The following MACROD2 variants were observed in gnomAD, a reference collection of about 807,000 sequenced individuals.
MACROD2 encodes mono-ADP ribosylhydrolase 2, also known as ADP-ribose glycohydrolase MACROD2.
In MACROD2, 36 loss-of-function variants were observed where a neutral mutation model predicts 70.4. That is an observed-to-expected ratio of 0.51 (90% confidence interval 0.39 to 0.68). The LOEUF (loss-of-function observed/expected upper bound fraction) is 0.68. MACROD2 is among the 30% of genes least tolerant of loss of function. MACROD2 has a pLI of 0.00. For missense variants in MACROD2, 496 were observed against 538.4 expected (o/e 0.92, Z 0.78); for synonymous variants, 172 against 178.8 (o/e 0.96, Z 0.30).
At chr20:14,807,406 A>G (rs1264240492) in intron 5 of MACROD2, among the ~76,000 whole-genome samples, 2 of 152,088 alleles carry the variant, frequency 1.3e-5, no homozygotes, top group Non-Finnish European at 2.9e-5. Flanking sequence ...CATCAACAAA[A>G]AGGATGACCA....
chr20:15,579,050 G>A (rs913109416), intron 8 of MACROD2, among the ~76,000 whole-genome samples: 16 of 152,200 alleles, frequency 1.1e-4, no homozygotes, highest in South Asian at 2.1e-4. Context: ...TGAATTGGTC[G>A]TTCTAAACTC....
At chr20:15,144,970 T>G (rs1325179361) in intron 5 of MACROD2, among the ~76,000 whole-genome samples, 1 of 152,190 alleles carries the variant, frequency 6.6e-6, no homozygotes, top group Non-Finnish European at 1.5e-5. Flanking sequence ...AATCAGCATT[T>G]GGCACTTGTG....
chr20:15,367,688 AT>A (rs564596429), intron 6 of MACROD2, among the ~76,000 whole-genome samples: 54 of 152,010 alleles, frequency 3.6e-4, no homozygotes, highest in African/African-American at 1.3e-3. Flanking sequence ...AAAAGCAAAG[AT>A]TTTTTTGTTT....
At chr20:14,252,327 C>G (rs1461138545) in intron 3 of MACROD2, among the ~76,000 whole-genome samples, 3 of 151,948 alleles carry the variant, frequency 2.0e-5, no homozygotes, top group Non-Finnish European at 2.9e-5. Context: ...ATTATCCTGA[C>G]TATATGGGAT....
At chr20:15,161,539 G>A (rs1186986708) in intron 5 of MACROD2, among the ~76,000 whole-genome samples, 1 of 151,794 alleles carries the variant, frequency 6.6e-6, no homozygotes, top group Non-Finnish European at 1.5e-5. Context: ...TTCTAAGTGG[G>A]CTACTAGTAA....
rs78694341 is a variant in MACROD2, at chr20:15,671,749, C to T, written c.645+171902C>T. On this transcript the variant is annotated intron_variant, in intron 8 of 17. Coordinates refer to ENST00000684519, the MANE Select transcript of MACROD2 (RefSeq NM_001351661.2). Reference sequence around the variant, plus strand: ...GTGGATCAGGTTCTCTGCTTCACAGCGGAATGCTTATGCTTAGAATTTTTG... The same window carrying T: ...GTGGATCAGGTTCTCTGCTTCACAGTGGAATGCTTATGCTTAGAATTTTTG... Among the ~76,000 whole-genome samples, 202 of 152,268 alleles carry T rather than the reference C, an allele frequency of 1.3e-3. 2 individuals are homozygous for T. Among genetic ancestry groups the T allele is most frequent in the African/African-American group, 4.4e-3 (183 of 41,542 alleles).
In MACROD2 at chr20:14,603,689, A is replaced by G. The variant is rs550264810; in HGVS notation, c.302-81154A>G. 1.6e-4 allele frequency among the ~76,000 whole-genome samples: 24 copies of G among 152,256 alleles called. No homozygotes were observed. The East Asian group carries it at 1.9e-3, about 12-fold the overall frequency. On this transcript the variant is annotated intron_variant, in intron 4 of 17. Transcript: ENST00000684519. ...CCTATTATAGACATGACATTTTTCA[A>G]TGTTTTCACAGGCATTATTTCTTTT...
intron 6 of MACROD2, among the ~76,000 whole-genome samples, chr20:15,299,893 C>A (rs910241781): frequency 3.3e-5 from 5 of 152,170 alleles, no homozygotes; most frequent in Non-Finnish European, 7.3e-5. Flanking sequence ...TTAGAATGTG[C>A]AAGTGTCAAA....
At chr20:15,452,133 C>T (rs1434599428) in intron 7 of MACROD2, among the ~76,000 whole-genome samples, 1 of 152,132 alleles carries the variant, frequency 6.6e-6, no homozygotes, top group African/African-American at 2.4e-5. Flanking sequence ...GTTTAGAGTT[C>T]ACTTATCGGG....
intron 5 of MACROD2, among the ~76,000 whole-genome samples, chr20:14,984,397 G>T (rs1014467557): frequency 3.9e-5 from 6 of 152,126 alleles, no homozygotes; most frequent in Non-Finnish European, 8.8e-5. Flanking sequence ...CTAAAATGCA[G>T]ATTTCACCAA....
chr20:14,023,352 C>G (rs774488426), intron 2 of MACROD2, among the ~76,000 whole-genome samples: 1 of 152,186 alleles, frequency 6.6e-6, no homozygotes, highest in Non-Finnish European at 1.5e-5. Flanking sequence ...TGTAGGTTGT[C>G]TGTTCACTCT....
intron 6 of MACROD2, among the ~76,000 whole-genome samples, chr20:15,238,418 T>C (rs983189414): frequency 2.0e-5 from 3 of 152,092 alleles, no homozygotes; most frequent in Non-Finnish European, 2.9e-5. Context: ...TGATTCATCA[T>C]GCAAATTACG....
intron 6 of MACROD2, among the ~76,000 whole-genome samples, chr20:15,388,434 TTACAG>T (rs1275375589): frequency 6.6e-6 from 1 of 152,160 alleles, no homozygotes; most frequent in Non-Finnish European, 1.5e-5. Flanking sequence ...AAGTGCTTCT[TTACAG>T]TAGTGGATAT....
At chr20:14,253,330 ACTT>A (rs1457693672) in intron 3 of MACROD2, among the ~76,000 whole-genome samples, 2 of 151,994 alleles carry the variant, frequency 1.3e-5, no homozygotes, top group African/African-American at 4.8e-5. Flanking sequence ...ACTTATTTTT[ACTT>A]CTTCACTTTA....
chr20:15,228,471 T>C (rs2076930047), intron 5 of MACROD2, among the ~76,000 whole-genome samples: 1 of 150,996 alleles, frequency 6.6e-6, no homozygotes, highest in Non-Finnish European at 1.5e-5. Flanking sequence ...ATTTTTCTTT[T>C]CTTTTTTCCT....
At position 16,023,213 on chromosome 20, in the gene MACROD2, C is replaced by T. The variant is rs568642692; in HGVS notation, c.1154-17988C>T. 3.9e-5 allele frequency among the ~76,000 whole-genome samples: 6 copies of T among 152,056 alleles called. No homozygotes were observed. The East Asian group carries it at 5.8e-4, about 15-fold the overall frequency. Reference sequence around the variant, plus strand: ...GGTGCCATCCGGGCATGGTGGCTCACGCCTGTAATCTCAGCACTTTGGGAG... The same window carrying T: ...GGTGCCATCCGGGCATGGTGGCTCATGCCTGTAATCTCAGCACTTTGGGAG... On this transcript the variant is annotated intron_variant, in intron 15 of 17. Coordinates refer to ENST00000684519, the MANE Select transcript of MACROD2 (RefSeq NM_001351661.2).
At chr20:15,898,307 T>C (rs2065005043) in intron 10 of MACROD2, among the ~76,000 whole-genome samples, 1 of 152,110 alleles carries the variant, frequency 6.6e-6, no homozygotes, top group Admixed American at 6.5e-5. Context: ...CCCAGCACTT[T>C]GGGAGCCCGA....
intron 6 of MACROD2, among the ~76,000 whole-genome samples, chr20:15,372,523 G>T (rs2045507458): frequency 6.6e-6 from 1 of 152,078 alleles, no homozygotes; most frequent in Admixed American, 6.6e-5. Flanking sequence ...TTGCCTTTGT[G>T]TTCATTGCTC....
chr20:14,723,063 T>C (rs928853480), intron 5 of MACROD2, among the ~76,000 whole-genome samples: 1 of 152,194 alleles, frequency 6.6e-6, no homozygotes, highest in African/African-American at 2.4e-5. Flanking sequence ...CTCTTTTAAT[T>C]CTCAGCTTTT....
Sources: allele counts gnomAD v4.1 joint callset (sites outside exome capture counted in the v4.1 genomes callset), GRCh38; gene constraint gnomAD v4.1.1; transcripts MANE v1.5; gene names NCBI Gene and HGNC (gene_info 2026-07-23, HGNC 2026-07-21).